KITLG: variants seen among roughly 807,000 people sequenced by gnomAD.
The protein encoded by KITLG is c-Kit ligand.
Under a neutral mutation model 34.1 loss-of-function variants are expected in KITLG, and 13 were observed. That is an observed-to-expected ratio of 0.38 (90% CI 0.25 to 0.61). KITLG has a LOEUF of 0.61. Among genes scored for constraint, KITLG ranks in the 20% least tolerant of loss-of-function variants. The pLI, the probability that KITLG is intolerant of heterozygous loss-of-function variation, is 0.60. For missense variants in KITLG, 292 were observed against 318.9 expected (o/e 0.92, Z 0.64); for synonymous variants, 110 against 104.0 (o/e 1.06, Z -0.35).
chr12:88,500,753 G>A (rs1383982675), intron 9 of KITLG, among the ~76,000 whole-genome samples: 2 of 152,098 alleles, frequency 1.3e-5, no homozygotes, highest in African/African-American at 4.8e-5. Flanking sequence ...CTCACGCATG[G>A]TGTCAAATAA....
chr12:88,539,072 C>T (rs1289685397), intron 2 of KITLG, among the ~76,000 whole-genome samples: 1 of 152,088 alleles, frequency 6.6e-6, no homozygotes, highest in Non-Finnish European at 1.5e-5. Context: ...CATACCACAC[C>T]CTGCAGGTAT....
intron 9 of KITLG, among the ~76,000 whole-genome samples, chr12:88,500,872 C>T (rs1052877872): frequency 2.0e-5 from 3 of 152,168 alleles, no homozygotes; most frequent in Admixed American, 1.3e-4. Context: ...CTCAACCTCT[C>T]GGGCTCAGGC....
chr12:88,516,176 A>G (rs1419324014), intron 5 of KITLG, among the ~76,000 whole-genome samples, 158 bp downstream of exon 5: 1 of 151,938 alleles, frequency 6.6e-6, no homozygotes, highest in East Asian at 1.9e-4. Context: ...CCACAAATCT[A>G]CAATCATTAG....
At chr12:88,501,761 T>C (rs1368258287) in intron 9 of KITLG, among the ~76,000 whole-genome samples, 1 of 152,234 alleles carries the variant, frequency 6.6e-6, no homozygotes, top group Non-Finnish European at 1.5e-5. Context: ...CATACAAGTT[T>C]ATTTCTGTTT....
intron 4 of KITLG, among the ~76,000 whole-genome samples, chr12:88,517,428 T>A (rs1422158723): frequency 6.6e-6 from 1 of 152,038 alleles, no homozygotes; most frequent in Non-Finnish European, 1.5e-5. Flanking sequence ...AGTAACTCAA[T>A]CTCCAAAACA....
rs777506251 is a variant in KITLG at position 88,493,719 on chromosome 12, A to G, written c.*3500T>C. 1 of 151,930 alleles carries G rather than the reference A, an allele frequency of 6.6e-6. No homozygotes were observed. The highest frequency in any genetic ancestry group is 2.1e-4 in the South Asian group (1 of 4,830). 9.4% of individuals were successfully genotyped at this position (151,930 alleles called of 1,614,324 possible). ...TCTTAGTTTTCAATAAAATGAGAAGATTTAAACGCTCACTTTGGTGCATTT... is the reference window on the plus strand; with the variant it reads ...TCTTAGTTTTCAATAAAATGAGAAGGTTTAAACGCTCACTTTGGTGCATTT... On this transcript the variant is annotated 3_prime_UTR_variant, in exon 10 of 10. Coordinates refer to ENST00000644744, the MANE Select transcript of KITLG (RefSeq NM_000899.5).
chr12:88,574,762 T>G (rs1330053971), intron 1 of KITLG, among the ~76,000 whole-genome samples: 3 of 152,198 alleles, frequency 2.0e-5, no homozygotes, highest in Admixed American at 6.5e-5. Context: ...CAGGGAAGCA[T>G]TACCTTTTGT....
Position 88,505,230 on chromosome 12 carries a change from A to G in KITLG, c.788T>C (p.Leu263Ser), listed in dbSNP as rs1261233016. 1 of 1,609,628 alleles carries G rather than the reference A, an allele frequency of 6.2e-7. No individual in the cohort carries two copies. The highest frequency in any genetic ancestry group is 8.5e-7 in the Non-Finnish European group (1 of 1,176,132). Residue 263 changes from leucine to serine, a missense_variant, in exon 9 of 10, where the codon TTG becomes TCG. Physicochemically the swap from Leu to Ser is moderately radical, Grantham distance 145. Coordinates refer to ENST00000644744, the MANE Select transcript of KITLG (RefSeq NM_000899.5). The part of the protein sequence containing the change: ...INEEDNEISM[L>S]QEKEREFQEV ...TTGAAACTCTCTCTCTTTCTCTTGC[A>G]ACATACTGAAAAACAATAAGAAAAA...
intron 9 of KITLG, among the ~76,000 whole-genome samples, chr12:88,497,961 G>T (rs1246876415): frequency 2.0e-5 from 3 of 152,176 alleles, no homozygotes; most frequent in Non-Finnish European, 4.4e-5. Context: ...GGGAAAGTTC[G>T]TTTGGCCTCA....
chr12:88,515,022 T>G (rs930479069), intron 6 of KITLG, among the ~76,000 whole-genome samples: 1 of 151,834 alleles, frequency 6.6e-6, no homozygotes, highest in African/African-American at 2.4e-5. Context: ...AGCATATAAT[T>G]CTGTGGTAAA....
chr12:88,502,642 A>G (rs1043217348), intron 9 of KITLG, among the ~76,000 whole-genome samples: 1 of 152,222 alleles, frequency 6.6e-6, no homozygotes, highest in African/African-American at 2.4e-5. Context: ...GCTTTAAAAT[A>G]CCATCTTTTT....
chr12:88,533,885 T>C (rs1870202535), intron 2 of KITLG, among the ~76,000 whole-genome samples: 2 of 152,112 alleles, frequency 1.3e-5, no homozygotes, highest in South Asian at 2.1e-4. Flanking sequence ...GGAGCTAAGA[T>C]AGTAACTGAT....
intron 1 of KITLG, among the ~76,000 whole-genome samples, chr12:88,577,631 T>C: frequency 1.3e-5 from 1 of 74,434 alleles, no homozygotes; most frequent in East Asian, 4.2e-4. Flanking sequence ...CTGAATAAAA[T>C]AAAATCAAAC....
intron 3 of KITLG, among the ~76,000 whole-genome samples, chr12:88,521,327 T>C (rs1430518962): frequency 1.3e-5 from 2 of 152,140 alleles, no homozygotes; most frequent in Non-Finnish European, 2.9e-5. Flanking sequence ...TAATTAAATA[T>C]CGTCAATGAT....
At chr12:88,510,577 T>G (rs1437723652) in intron 6 of KITLG, among the ~76,000 whole-genome samples, 1 of 152,188 alleles carries the variant, frequency 6.6e-6, no homozygotes, top group African/African-American at 2.4e-5. Context: ...TTTCTTTCTC[T>G]ATCATTTAGG....
chr12:88,545,333 C>G (rs1339584226), intron 2 of KITLG, among the ~76,000 whole-genome samples: 2 of 152,180 alleles, frequency 1.3e-5, no homozygotes, highest in Admixed American at 1.3e-4. Flanking sequence ...GGAGAATAGC[C>G]ATTTCAGATT....
At chr12:88,578,559 T>C (rs934251284) in intron 1 of KITLG, among the ~76,000 whole-genome samples, 2 of 152,336 alleles carry the variant, frequency 1.3e-5, no homozygotes, top group Non-Finnish European at 1.5e-5. Context: ...AGCCATTTAA[T>C]CAAAGCGAGA....
chr12:88,537,179 G>A (rs999858038), intron 2 of KITLG, among the ~76,000 whole-genome samples: 20 of 152,052 alleles, frequency 1.3e-4, no homozygotes, highest in African/African-American at 3.9e-4. Context: ...GCATTTGTAC[G>A]TTCATCACAG....
At chr12:88,568,391 C>G (rs918185728) in intron 1 of KITLG, among the ~76,000 whole-genome samples, 1 of 151,872 alleles carries the variant, frequency 6.6e-6, no homozygotes, top group African/African-American at 2.4e-5. Flanking sequence ...AACTCCTGGG[C>G]TCAAGCAATC....
Sources: gnomAD v4.1 joint callset for allele counts (sites outside exome capture counted in the v4.1 genomes callset) on GRCh38, gnomAD v4.1.1 for gene constraint, MANE v1.5 for transcripts, NCBI Gene and HGNC (gene_info 2026-07-23, HGNC 2026-07-21) for gene names.